RABGAP1L: variants seen among roughly 807,000 people sequenced by gnomAD.
RABGAP1L encodes the protein RAB GTPase activating protein 1 like.
Under a neutral mutation model 137.7 loss-of-function variants are expected in RABGAP1L, and 63 were observed. The ratio of observed to expected loss-of-function variants is 0.46; its 90% CI spans 0.37 to 0.56. The LOEUF (loss-of-function observed/expected upper bound fraction) is 0.56, where lower values mean the gene tolerates loss of function less well. Ranked by LOEUF, RABGAP1L falls within the 20% of genes least tolerant of loss-of-function variation. The pLI is 0.00. For missense variants in RABGAP1L, 1,095 were observed against 1,244.0 expected (o/e 0.88, Z 1.80); for synonymous variants, 431 against 433.7 (o/e 0.99, Z 0.08).
intron 13 of RABGAP1L, among the ~76,000 whole-genome samples, chr1:174,520,559 C>G (rs1339597911): frequency 3.3e-5 from 5 of 152,124 alleles, no homozygotes; most frequent in African/African-American, 1.2e-4. Context: ...ACATTTGATT[C>G]TTTATATTGT....
intron 24 of RABGAP1L, among the ~76,000 whole-genome samples, chr1:174,983,427 C>T (rs1574075211): frequency 6.6e-6 from 1 of 152,104 alleles, no homozygotes; most frequent in East Asian, 1.9e-4. Flanking sequence ...TGGTAAAATG[C>T]ATTATGTTGA....
intron 11 of RABGAP1L, among the ~76,000 whole-genome samples, chr1:174,313,910 T>C (rs954077138): frequency 6.6e-6 from 1 of 152,192 alleles, no homozygotes; most frequent in African/African-American, 2.4e-5. Context: ...TGTTTGCTGG[T>C]ATTTTGTTGA....
intron 15 of RABGAP1L, among the ~76,000 whole-genome samples, chr1:174,688,208 T>C (rs1487217344): frequency 6.6e-6 from 1 of 152,144 alleles, no homozygotes; most frequent in Non-Finnish European, 1.5e-5. Flanking sequence ...AATTATGACC[T>C]GATTATATTT....
chr1:174,450,770 A>T (rs1655347484), intron 13 of RABGAP1L, among the ~76,000 whole-genome samples: 1 of 152,154 alleles, frequency 6.6e-6, no homozygotes, highest in Non-Finnish European at 1.5e-5. Context: ...TTCTTGCCTG[A>T]AAGATATTTT....
rs1004850701 is a variant in RABGAP1L at position 174,854,919 on chromosome 1, G to A, written c.2340+42959G>A. ...CATCTGGCTAGTTTTTGTATTTTTA[G>A]TAGAGACAGGGTTTCGCCATGTTGG... On this transcript the variant is annotated intron_variant, in intron 19 of 25. Coordinates refer to ENST00000681986, the MANE Select transcript of RABGAP1L (RefSeq NM_001366446.1). Among the ~76,000 whole-genome samples the A allele has an allele frequency of 8.6e-5, 13 of 151,318 alleles. No individual in the cohort carries two copies. The South Asian group carries it at 1.5e-3, about 17-fold the overall frequency.
chr1:174,496,332 A>G (rs958485619), intron 13 of RABGAP1L, among the ~76,000 whole-genome samples: 3 of 152,182 alleles, frequency 2.0e-5, no homozygotes, highest in Admixed American at 2.0e-4. Context: ...CAAAAGTAGG[A>G]AACAGGGAGG....
chr1:174,972,710 C>T (rs1386608714), intron 21 of RABGAP1L, among the ~76,000 whole-genome samples: 1 of 151,870 alleles, frequency 6.6e-6, no homozygotes, highest in Admixed American at 6.6e-5. Flanking sequence ...AAAAATTAGC[C>T]AGGTGTGGCG....
chr1:174,941,834 C>T (rs1015794728), intron 19 of RABGAP1L, among the ~76,000 whole-genome samples: 4 of 151,814 alleles, frequency 2.6e-5, no homozygotes, highest in African/African-American at 9.7e-5. Flanking sequence ...ACTCATTCTC[C>T]TCTACACCAT....
At chr1:174,666,323 AC>A (rs2148434901) in intron 14 of RABGAP1L, among the ~76,000 whole-genome samples, 1 of 152,354 alleles carries the variant, frequency 6.6e-6, no homozygotes, top group Admixed American at 6.5e-5. Flanking sequence ...AATTGCTATT[AC>A]GTAAATATCA....
chr1:174,495,799 G>C (rs1324677231), intron 13 of RABGAP1L, among the ~76,000 whole-genome samples: 1 of 152,004 alleles, frequency 6.6e-6, no homozygotes, highest in African/African-American at 2.4e-5. Context: ...ATGATGCTGC[G>C]GTGAAAATCC....
chr1:174,707,733 A>C (rs1680163964), intron 17 of RABGAP1L, among the ~76,000 whole-genome samples: 1 of 152,174 alleles, frequency 6.6e-6, no homozygotes, highest in Non-Finnish European at 1.5e-5. Flanking sequence ...TGTATAGCCC[A>C]TTTAGTTGCT....
chr1:174,289,406 T>A (rs563902106), intron 10 of RABGAP1L, among the ~76,000 whole-genome samples: 1 of 152,214 alleles, frequency 6.6e-6, no homozygotes, highest in Non-Finnish European at 1.5e-5. Context: ...TTTTTCTGAT[T>A]AGTTGTCTGT....
chr1:174,485,919 TTTC>T (rs1160090727), intron 13 of RABGAP1L, among the ~76,000 whole-genome samples: 1 of 152,204 alleles, frequency 6.6e-6, no homozygotes, highest in African/African-American at 2.4e-5. Context: ...ATTGATATTA[TTTC>T]TTCTTTAAAT....
At position 174,875,260 on chromosome 1, in the gene RABGAP1L, G is replaced by A. The variant is rs538266247; in HGVS notation, c.2340+63300G>A. On this transcript the variant is annotated intron_variant, in intron 19 of 25. Coordinates refer to ENST00000681986, the MANE Select transcript of RABGAP1L (RefSeq NM_001366446.1). ...TTTTGCATGCTTATAGCCTGATGCC[G>A]TAAATGTTTTATGAGTTTAATGTAC... Among the ~76,000 whole-genome samples the A allele has an allele frequency of 3.4e-4, 52 of 152,256 alleles. 1 individual carries two copies. In the South Asian group the frequency reaches 7.5e-3, roughly 22 times the overall value.
chr1:174,942,119 G>T (rs1474769419), intron 19 of RABGAP1L, among the ~76,000 whole-genome samples: 4 of 152,200 alleles, frequency 2.6e-5, no homozygotes, highest in Non-Finnish European at 5.9e-5. Context: ...TTCTAAGGGA[G>T]TCAGGAGTAA....
intron 13 of RABGAP1L, among the ~76,000 whole-genome samples, chr1:174,623,169 AG>A (rs1672668987): frequency 6.6e-6 from 1 of 152,220 alleles, no homozygotes; most frequent in Non-Finnish European, 1.5e-5. Context: ...CACAGTCTTG[AG>A]GAACTATTTT....
At chr1:174,366,936 TCTTTC>T (rs1684683958) in intron 11 of RABGAP1L, among the ~76,000 whole-genome samples, 1 of 152,230 alleles carries the variant, frequency 6.6e-6, no homozygotes, top group Non-Finnish European at 1.5e-5. Context: ...TCCCTGTTAT[TCTTTC>T]AGGGCATTAT....
chr1:174,821,084 A>G lies in RABGAP1L; in HGVS notation c.2340+9124A>G, dbSNP rs185002605. 7.2e-5 allele frequency among the ~76,000 whole-genome samples: 11 copies of G among 151,734 alleles called. No homozygotes were observed. In the East Asian group the frequency reaches 2.1e-3, roughly 29 times the overall value. On this transcript the variant is annotated intron_variant, in intron 19 of 25. Coordinates refer to ENST00000681986, the MANE Select transcript of RABGAP1L (RefSeq NM_001366446.1). ...CAGTGATCGCAGCAAAACCATGCCA[A>G]TTACTATTTTGGCATTCATGGCCAC...
intron 1 of RABGAP1L, among the ~76,000 whole-genome samples, chr1:174,195,749 TTC>T (rs745417734): frequency 8.6e-5 from 12 of 139,216 alleles, no homozygotes; most frequent in Admixed American, 1.5e-4. Context: ...CTTTCTTTCT[TTC>T]TCTCTTTCTC....
Sources: gnomAD v4.1 joint callset for allele counts (sites outside exome capture counted in the v4.1 genomes callset) on GRCh38, gnomAD v4.1.1 for gene constraint, MANE v1.5 for transcripts, NCBI Gene and HGNC (gene_info 2026-07-23, HGNC 2026-07-21) for gene names.